GAB1: variants seen among roughly 807,000 people sequenced by gnomAD.
The protein encoded by GAB1 is GRB2-associated-binding protein 1.
GAB1 carries 19 observed loss-of-function variants against 66.5 expected under a neutral mutation model. That is an observed-to-expected ratio of 0.29 (90% confidence interval 0.20 to 0.42). The LOEUF (loss-of-function observed/expected upper bound fraction) is 0.42. Ranked by LOEUF, GAB1 falls within the 10% of genes least tolerant of loss-of-function variation. The probability of loss-of-function intolerance (pLI) is 1.00; values close to 1 mark genes in which losing one functional copy is unlikely to be tolerated. For missense variants in GAB1, 732 were observed against 858.5 expected (o/e 0.85, Z 1.84); for synonymous variants, 294 against 301.4 (o/e 0.98, Z 0.25).
intron 6 of GAB1, among the ~76,000 whole-genome samples, chr4:143,446,100 A>G (rs1269901589): frequency 6.6e-6 from 1 of 152,136 alleles, no homozygotes. Context: ...AATTTCATCC[A>G]TGTCCCTACA....
intron 1 of GAB1, among the ~76,000 whole-genome samples, chr4:143,346,995 T>A (rs1361750457): frequency 6.6e-6 from 1 of 152,252 alleles, no homozygotes; most frequent in Non-Finnish European, 1.5e-5. Flanking sequence ...AAATGTTGAC[T>A]GTTTCAAATG....
At chr4:143,449,141 T>C (rs1404327115) in intron 6 of GAB1, among the ~76,000 whole-genome samples, 1 of 143,826 alleles carries the variant, frequency 7.0e-6, no homozygotes, top group Non-Finnish European at 1.5e-5. Flanking sequence ...TTGATTGCAC[T>C]GTGGTCTGAG....
At chr4:143,367,321 A>G (rs1560721747) in intron 1 of GAB1, among the ~76,000 whole-genome samples, 1 of 152,188 alleles carries the variant, frequency 6.6e-6, no homozygotes, top group African/African-American at 2.4e-5. Flanking sequence ...AATGGACCCA[A>G]TATCTGGTAG....
rs760222411 is a variant in GAB1 at position 143,440,104 on chromosome 4, G to A, written c.1307G>A (p.Gly436Glu). 2 of 1,614,016 alleles carry A rather than the reference G, an allele frequency of 1.2e-6. No individual in the cohort carries two copies. Among genetic ancestry groups the A allele is most frequent in the East Asian group, 2.2e-5 (1 of 44,880 alleles). ...AAAGTCAAAAATGTGTTGACAGTGGGAAGTGTTTCAAGTGAAGAACTGGAT... is the reference window on the plus strand; with the variant it reads ...AAAGTCAAAAATGTGTTGACAGTGGAAAGTGTTTCAAGTGAAGAACTGGAT... ...HFKVKNVLTV[G>E]SVSSEELDEN... Residue 436 changes from glycine (G) to glutamate (E), a missense_variant, in exon 6 of 10, where the codon GGA (glycine) becomes GAA (glutamate). Gly to Glu is a moderately conservative substitution (Grantham distance 98). Around this residue, in one of 4 missense-constraint regions of GAB1, gnomAD observed 427 missense variants for 420.6 expected, o/e 1.02. Transcript: ENST00000262994.
At chr4:143,452,133 G>A (rs1734961683) in intron 6 of GAB1, among the ~76,000 whole-genome samples, 2 of 151,954 alleles carry the variant, frequency 1.3e-5, no homozygotes, top group South Asian at 2.1e-4. Flanking sequence ...TTTTAGAGAC[G>A]GTTTCTCACT....
chr4:143,399,654 T>A (rs1731652956), intron 1 of GAB1, among the ~76,000 whole-genome samples: 1 of 152,246 alleles, frequency 6.6e-6, no homozygotes, highest in East Asian at 1.9e-4. Context: ...TTCTCTATAC[T>A]GTGGCGGAAG....
rs35559967 is a variant in GAB1 at position 143,423,792 on chromosome 4, G to GTATA, written c.367+8063_367+8066dup. 8.7e-3 allele frequency among the ~76,000 whole-genome samples: 591 copies of GTATA among 67,612 alleles called. 10 individuals carry two copies. Among genetic ancestry groups the GTATA allele is most frequent in the Middle Eastern group, 0.015 (1 of 66 alleles). 44.4% of individuals were successfully genotyped at this position (67,612 alleles called of 152,430 possible). A position where few individuals can be genotyped will look rare whatever the true frequency, so the allele number is the denominator to read the frequency against. ...CTCCATCTCAAAAAAAAAAAAAAGT[G>GTATA]TATATATATATATATATATATATAT... On this transcript the variant is annotated intron_variant, in intron 2 of 9. Coordinates refer to ENST00000262994, the MANE Select transcript of GAB1 (RefSeq NM_002039.4).
intron 2 of GAB1, among the ~76,000 whole-genome samples, chr4:143,427,312 T>A (rs1733413568): frequency 6.6e-6 from 1 of 152,088 alleles, no homozygotes; most frequent in South Asian, 2.1e-4. Context: ...AGCAGTCAGA[T>A]CCCCCTCAGA....
intron 1 of GAB1, among the ~76,000 whole-genome samples, chr4:143,344,154 T>C (rs1471438129): frequency 6.6e-6 from 1 of 152,170 alleles, no homozygotes; most frequent in Non-Finnish European, 1.5e-5. Flanking sequence ...AAAAGAGCCT[T>C]TGATTCATTT....
intron 6 of GAB1, among the ~76,000 whole-genome samples, chr4:143,457,050 T>C (rs1489967176): frequency 3.3e-5 from 5 of 152,210 alleles, no homozygotes; most frequent in East Asian, 1.9e-4. Flanking sequence ...GATGAAGCCA[T>C]TGGGCAACCA....
At chr4:143,430,006 G>C (rs1331487327) in intron 2 of GAB1, among the ~76,000 whole-genome samples, 1 of 152,170 alleles carries the variant, frequency 6.6e-6, no homozygotes, top group Admixed American at 6.5e-5. Context: ...AAGTCAAAAA[G>C]GTTACTTCAG....
intron 1 of GAB1, among the ~76,000 whole-genome samples, chr4:143,363,516 A>G (rs1729747439): frequency 6.6e-6 from 1 of 152,218 alleles, no homozygotes; most frequent in Admixed American, 6.5e-5. Context: ...AGGGGAGCCC[A>G]AGAGCATAGT....
At chr4:143,393,670 C>T (rs1173134781) in intron 1 of GAB1, among the ~76,000 whole-genome samples, 1 of 152,108 alleles carries the variant, frequency 6.6e-6, no homozygotes, top group African/African-American at 2.4e-5. Flanking sequence ...TGAGTGTCCG[C>T]ATTATTAAAG....
chr4:143,414,285 G>A (rs575341429), intron 1 of GAB1, among the ~76,000 whole-genome samples: 2 of 152,280 alleles, frequency 1.3e-5, no homozygotes, highest in South Asian at 4.1e-4. Flanking sequence ...TTGTTTCCAG[G>A]CACACATGTT....
chr4:143,454,257 A>T (rs1180269338), intron 6 of GAB1, among the ~76,000 whole-genome samples: 2 of 152,206 alleles, frequency 1.3e-5, no homozygotes, highest in Admixed American at 1.3e-4. Context: ...CTGTAAAATC[A>T]TTGCTATCTT....
At chr4:143,383,758 T>G (rs2149678751) in intron 1 of GAB1, among the ~76,000 whole-genome samples, 1 of 152,316 alleles carries the variant, frequency 6.6e-6, no homozygotes, top group East Asian at 1.9e-4. Context: ...CCCATTATAA[T>G]TTGGCTCTGG....
chr4:143,410,402 A>T (rs1423105663), intron 1 of GAB1, among the ~76,000 whole-genome samples: 1 of 152,176 alleles, frequency 6.6e-6, no homozygotes, highest in Non-Finnish European at 1.5e-5. Context: ...AAAATTTGTG[A>T]ATTTGTTAGT....
intron 1 of GAB1, among the ~76,000 whole-genome samples, chr4:143,377,967 G>T (rs2149673418): frequency 6.6e-6 from 1 of 152,264 alleles, no homozygotes; most frequent in African/African-American, 2.4e-5. Flanking sequence ...ACGTCCCATA[G>T]AAATGATAGT....
At chr4:143,431,519 C>T (rs1182297453) in intron 2 of GAB1, among the ~76,000 whole-genome samples, 14 of 152,096 alleles carry the variant, frequency 9.2e-5, no homozygotes, top group African/African-American at 7.2e-5. Flanking sequence ...CTTTGTTATC[C>T]GACTTTAGCT....
Sources: gnomAD v4.1 joint callset for allele counts (sites outside exome capture counted in the v4.1 genomes callset) on GRCh38, gnomAD v4.1.1 for gene constraint, gnomAD v4.1.1 regional missense constraint, MANE v1.5 for transcripts, NCBI Gene and HGNC (gene_info 2026-07-23, HGNC 2026-07-21) for gene names.